DPH6: variants seen among roughly 807,000 people sequenced by gnomAD.
The protein encoded by DPH6 is diphthine--ammonia ligase.
DPH6 carries 33 observed loss-of-function variants against 38.2 expected under a neutral mutation model. The ratio of observed to expected loss-of-function variants is 0.86; its 90% CI spans 0.65 to 1.15. The LOEUF (loss-of-function observed/expected upper bound fraction) is 1.15, where lower values mean the gene tolerates loss of function less well. Ranked by LOEUF, DPH6 falls within the 50% of genes most tolerant of loss-of-function variation. DPH6 has a pLI of 0.00. For synonymous variants in DPH6, 108 were observed against 103.0 expected (o/e 1.05, Z -0.30); for missense variants, 325 against 320.0 (o/e 1.02, Z -0.12).
At chr15:35,480,400 CCAAAA>C (rs1382327738) in intron 3 of DPH6, among the ~76,000 whole-genome samples, 2 of 151,994 alleles carry the variant, frequency 1.3e-5, no homozygotes, top group Non-Finnish European at 2.9e-5. Flanking sequence ...CTGAATTTCA[CCAAAA>C]CAAGCTTTCC....
Position 35,372,050 on chromosome 15 carries a change from T to C in DPH6, c.*100A>G. ...GTATGTTTCTCTAAAAAAATAAGAG[T>C]CATGAGAAAAAAATAAACTAGTCAT... On this transcript the variant is annotated 3_prime_UTR_variant, in exon 9 of 9. Coordinates refer to ENST00000256538, the MANE Select transcript of DPH6 (RefSeq NM_080650.4). The C allele has an allele frequency of 6.9e-7, 1 of 1,444,736 alleles. No homozygotes were observed. The highest frequency in any genetic ancestry group is 1.5e-5 in the South Asian group (1 of 65,886). The allele number at this position is 1,444,736 out of a possible 1,614,324, so 89.5% of individuals were successfully genotyped here.
chr15:35,263,589 G>T (rs2051763337), intron 3 of DPH6, among the ~76,000 whole-genome samples: 1 of 151,464 alleles, frequency 6.6e-6, no homozygotes, highest in African/African-American at 2.4e-5. Flanking sequence ...TTTATTTTTT[G>T]TAGAGACAGT....
intron 5 of DPH6, among the ~76,000 whole-genome samples, chr15:35,420,093 C>T (rs183792606): frequency 4.0e-4 from 61 of 152,122 alleles, no homozygotes; most frequent in Non-Finnish European, 2.9e-5. Context: ...TCTTTTTCAA[C>T]CACAATGCTA....
Position 35,430,237 on chromosome 15 carries a change from A to G in DPH6, c.506-19341T>C, listed in dbSNP as rs2053615178. Among the ~76,000 whole-genome samples, 2 of 152,146 alleles carry G rather than the reference A, an allele frequency of 1.3e-5. 1 individual carries two copies. Among genetic ancestry groups the G allele is most frequent in the Admixed American group, 1.3e-4 (2 of 15,282 alleles). On this transcript the variant is annotated intron_variant, in intron 5 of 8. Transcript: ENST00000256538. ...GAAATAATAATTGCACACTATCAGCAGCATTTTCTTTTCCTGACTGGAGTT... is the reference window on the plus strand; with the variant it reads ...GAAATAATAATTGCACACTATCAGCGGCATTTTCTTTTCCTGACTGGAGTT...
chr15:35,545,956 G>A (rs529790529), intron 1 of DPH6, among the ~76,000 whole-genome samples, 163 bp downstream of exon 1: 1 of 149,464 alleles, frequency 6.7e-6, no homozygotes, highest in African/African-American at 2.4e-5. Flanking sequence ...GCACATGCGG[G>A]CCGGCAACAG....
chr15:35,239,964 C>T lies in DPH6; in HGVS notation n.201-19382G>A, dbSNP rs1045633192. Among the ~76,000 whole-genome samples, 102 of 141,916 alleles carry T rather than the reference C, an allele frequency of 7.2e-4. 5 individuals are homozygous for T. The highest frequency in any genetic ancestry group is 2.5e-3 in the African/African-American group (100 of 39,396). The allele number at this position is 141,916 out of a possible 152,430, so 93.1% of individuals were successfully genotyped here. Reference sequence around the variant, plus strand: ...TTTCCGTGCCCTAACCCCTTCTCTGCTTTTCTGGAGGGCAAGAACCCCCCA... The same window carrying T: ...TTTCCGTGCCCTAACCCCTTCTCTGTTTTTCTGGAGGGCAAGAACCCCCCA... On this transcript the variant is annotated intron_variant and non_coding_transcript_variant, in intron 3 of 3. Coordinates refer to the DPH6 transcript ENST00000560386.
intron 2 of DPH6, among the ~76,000 whole-genome samples, chr15:35,542,103 T>G (rs897544511): frequency 1.3e-5 from 2 of 152,148 alleles, no homozygotes; most frequent in Non-Finnish European, 2.9e-5. Flanking sequence ...AAAATGGTAG[T>G]GTACTTTGAA....
intron 7 of DPH6, among the ~76,000 whole-genome samples, chr15:35,377,025 T>C (rs1184127330): frequency 6.6e-6 from 1 of 152,162 alleles, no homozygotes; most frequent in Non-Finnish European, 1.5e-5. Flanking sequence ...CCAATAACAG[T>C]ATATGATATC....
intron 3 of DPH6, among the ~76,000 whole-genome samples, chr15:35,510,271 C>A (rs2054750966): frequency 6.6e-6 from 1 of 152,116 alleles, no homozygotes; most frequent in Non-Finnish European, 1.5e-5. Flanking sequence ...TATTGTATTA[C>A]AAATAATGGG....
chr15:35,294,678 T>G (rs1187812005), intron 3 of DPH6, among the ~76,000 whole-genome samples: 2 of 152,210 alleles, frequency 1.3e-5, no homozygotes, highest in South Asian at 4.1e-4. Context: ...AAAACAGGTA[T>G]AGTCCCTTTT....
chr15:35,316,889 T>C (rs2052193992), intron 3 of DPH6, among the ~76,000 whole-genome samples: 1 of 152,150 alleles, frequency 6.6e-6, no homozygotes, highest in Non-Finnish European at 1.5e-5. Context: ...ATGGAAATAA[T>C]AAAAGACAGA....
intron 3 of DPH6, among the ~76,000 whole-genome samples, chr15:35,362,790 C>G (rs1178403003): frequency 6.6e-6 from 1 of 152,132 alleles, no homozygotes; most frequent in Non-Finnish European, 1.5e-5. Context: ...GATGGCTTTT[C>G]TTACCCAATG....
the DPH6 span, among the ~76,000 whole-genome samples, chr15:35,204,072 T>G: frequency 6.6e-6 from 1 of 151,894 alleles, no homozygotes; most frequent in East Asian, 1.9e-4. Context: ...TTGAAAACAT[T>G]TTTTCTTCTC....
chr15:35,500,522 AAC>A (rs2054612668), intron 3 of DPH6, among the ~76,000 whole-genome samples: 1 of 152,172 alleles, frequency 6.6e-6, no homozygotes. Context: ...TTTGAATAAT[AAC>A]ACAACCTATT....
At chr15:35,148,944 G>A in the DPH6 span, among the ~76,000 whole-genome samples, 1 of 152,098 alleles carries the variant, frequency 6.6e-6, no homozygotes. Flanking sequence ...CTTCATTAAA[G>A]AATGTTTTGC....
chr15:35,410,946 T>C (rs2053358470), intron 5 of DPH6, 50 bp from the exon 6 acceptor site: 1 of 1,532,676 alleles, frequency 6.5e-7, no homozygotes, highest in African/African-American at 1.4e-5. Flanking sequence ...ATAGGAACTT[T>C]AAAGACACAT....
chr15:35,196,409 G>A, the DPH6 span, among the ~76,000 whole-genome samples: 1 of 152,148 alleles, frequency 6.6e-6, no homozygotes, highest in Non-Finnish European at 1.5e-5. Flanking sequence ...AGACGTTAAA[G>A]CCAGTAGAGT....
At chr15:35,528,750 C>T (rs887862801) in intron 3 of DPH6, among the ~76,000 whole-genome samples, 3 of 152,240 alleles carry the variant, frequency 2.0e-5, no homozygotes, top group African/African-American at 4.8e-5. Flanking sequence ...ATATCTATTA[C>T]GTTACACAAA....
At position 35,496,555 on chromosome 15, in the gene DPH6, C is replaced by CAAAAAA. The variant is rs1180094812; in HGVS notation, c.312+41713_312+41718dup. Reference sequence around the variant, plus strand: ...AGGCAACAAGACGAAAGTTCCATCTCAAAAAAAAAAAAATATATATATATA... The same window carrying CAAAAAA: ...AGGCAACAAGACGAAAGTTCCATCTCAAAAAAAAAAAAAAAAAAATATATATATATA... On this transcript the variant is annotated intron_variant, in intron 3 of 8. Transcript: ENST00000256538. 1.6e-4 allele frequency among the ~76,000 whole-genome samples: 8 copies of CAAAAAA among 49,258 alleles called. 1 individual carries two copies. Among genetic ancestry groups the CAAAAAA allele is most frequent in the African/African-American group, 7.5e-4 (6 of 8,032 alleles). The allele number at this position is 49,258 out of a possible 152,430, so 32.3% of individuals were successfully genotyped here.
Sources: gnomAD v4.1 joint callset for allele counts (sites outside exome capture counted in the v4.1 genomes callset) on GRCh38, gnomAD v4.1.1 for gene constraint, MANE v1.5 for transcripts, NCBI Gene and HGNC (gene_info 2026-07-23, HGNC 2026-07-21) for gene names.